SPECC1L: variants seen among roughly 807,000 people sequenced by gnomAD.
SPECC1L encodes sperm antigen with calponin homology and coiled-coil domains 1 like, also known as cytospin-A.
A neutral mutation model predicts 116.8 loss-of-function variants in SPECC1L; 40 were observed. The ratio of observed to expected loss-of-function variants is 0.34; its 90% CI spans 0.27 to 0.45. The LOEUF is 0.45. SPECC1L is among the 20% of genes least tolerant of loss of function. SPECC1L has a pLI of 1.00. For synonymous variants in SPECC1L, 504 were observed against 500.6 expected, an observed-to-expected ratio of 1.01 and a Z score of -0.09; for missense variants, 1,110 against 1,373.6, an observed-to-expected ratio of 0.81 and a Z score of 3.03.
intron 1 of SPECC1L, among the ~76,000 whole-genome samples, chr22:24,272,964 C>T (rs2048759416): frequency 6.6e-6 from 1 of 152,076 alleles, no homozygotes; most frequent in East Asian, 1.9e-4. Context: ...AATGTTGTGC[C>T]ATAGGAAAGC....
At chr22:24,406,919 G>A (rs2042603400) in intron 14 of SPECC1L, among the ~76,000 whole-genome samples, 1 of 152,236 alleles carries the variant, frequency 6.6e-6, no homozygotes, top group South Asian at 2.1e-4. Context: ...AACAGCCAGT[G>A]ACGTTGGGAG....
chr22:24,322,396 G>A lies in SPECC1L; in HGVS notation c.1416G>A (p.Glu472=), dbSNP rs774014798. The A allele has an allele frequency of 6.2e-7, 1 of 1,614,204 alleles. No individual in the cohort carries two copies. The highest frequency in any genetic ancestry group is 8.5e-7 in the Non-Finnish European group (1 of 1,180,048). The part of the protein sequence containing the change: ...QIEYFRSLLD[E]HHISYVIDED... ...AATACTTCCGCTCTCTTCTAGATGAGCATCACATTTCTTATGTCATAGATG... is the reference window on the plus strand; with the variant it reads ...AATACTTCCGCTCTCTTCTAGATGAACATCACATTTCTTATGTCATAGATG... The change falls in exon 5 of 17, where the codon GAG becomes GAA. Residue 472 remains glutamate (E), a synonymous_variant. Coordinates refer to ENST00000314328, the MANE Select transcript of SPECC1L (RefSeq NM_015330.6).
chr22:24,362,643 C>T (rs1319198458), intron 11 of SPECC1L, among the ~76,000 whole-genome samples: 2 of 152,120 alleles, frequency 1.3e-5, no homozygotes, highest in African/African-American at 4.8e-5. Flanking sequence ...CCATACTTAG[C>T]CTTTATTATT....
chr22:24,352,934 G>A (rs1407889359), intron 11 of SPECC1L, among the ~76,000 whole-genome samples: 4 of 152,174 alleles, frequency 2.6e-5, no homozygotes, highest in Admixed American at 2.6e-4. Flanking sequence ...CCTAGATTCT[G>A]TGGCATTCTT....
chr22:24,272,279 C>G (rs1440412546), intron 1 of SPECC1L, among the ~76,000 whole-genome samples: 1 of 152,006 alleles, frequency 6.6e-6, no homozygotes, highest in East Asian at 1.9e-4. Context: ...GCAGGAGAAT[C>G]GCTTGAACCC....
chr22:24,297,150 GT>G (rs2049282774), intron 2 of SPECC1L, among the ~76,000 whole-genome samples: 3 of 150,788 alleles, frequency 2.0e-5, no homozygotes, highest in African/African-American at 7.3e-5. Flanking sequence ...TGACCAGGCT[GT>G]TCTCGAACTC....
chr22:24,355,507 T>C (rs1023452016), intron 11 of SPECC1L, among the ~76,000 whole-genome samples: 1 of 152,074 alleles, frequency 6.6e-6, no homozygotes, highest in East Asian at 1.9e-4. Context: ...TATTTGTCTG[T>C]CTGTCTGCCT....
chr22:24,343,095 GA>G (rs1400338086), intron 10 of SPECC1L, among the ~76,000 whole-genome samples: 1 of 152,116 alleles, frequency 6.6e-6, no homozygotes, highest in Non-Finnish European at 1.5e-5. Flanking sequence ...TTGGGAGGCT[GA>G]GGCAGGAGAA....
intron 3 of SPECC1L, among the ~76,000 whole-genome samples, chr22:24,306,248 CT>C (rs2049494767): frequency 6.6e-6 from 1 of 151,798 alleles, no homozygotes. Flanking sequence ...TTTAGACCCT[CT>C]TCTATGAAGT....
chr22:24,390,872 CTTTTTTTT>C (rs1016008966), intron 14 of SPECC1L, among the ~76,000 whole-genome samples: 3 of 57,114 alleles, frequency 5.3e-5, no homozygotes, highest in African/African-American at 1.5e-4. Context: ...TTTTTCTTTT[CTTTTTTTT>C]TTTTTTTTTT....
intron 1 of SPECC1L, among the ~76,000 whole-genome samples, chr22:24,274,596 AAG>A (rs2048794749): frequency 6.6e-6 from 1 of 152,212 alleles, no homozygotes; most frequent in African/African-American, 2.4e-5. Context: ...TAAATAAGAG[AAG>A]AGAGTGAATA....
At chr22:24,362,085 T>G (rs1238213155) in intron 11 of SPECC1L, among the ~76,000 whole-genome samples, 2 of 152,214 alleles carry the variant, frequency 1.3e-5, no homozygotes, top group Non-Finnish European at 2.9e-5. Context: ...GGTGTTTTTC[T>G]TAGCCCAGTC....
chr22:24,338,526 G>C, intron 10 of SPECC1L, 49 bp downstream of exon 10: 1 of 1,541,504 alleles, frequency 6.5e-7, no homozygotes, highest in Non-Finnish European at 9.0e-7. Flanking sequence ...GAATCTGAAA[G>C]TTGAGGCCTT....
chr22:24,325,573 TTATTTATAA>T (rs962561376), intron 6 of SPECC1L, among the ~76,000 whole-genome samples: 1 of 138,642 alleles, frequency 7.2e-6, no homozygotes, highest in Non-Finnish European at 1.6e-5. Context: ...ATTTATTTAT[TTATTTATAA>T]GAGGTGACAG....
chr22:24,352,712 A>G (rs999316071), intron 11 of SPECC1L, among the ~76,000 whole-genome samples: 6 of 152,172 alleles, frequency 3.9e-5, no homozygotes, highest in Admixed American at 1.3e-4. Flanking sequence ...ATAAAATGAG[A>G]TAGAAATCCT....
At chr22:24,283,646 G>C (rs1945356897) in intron 2 of SPECC1L, among the ~76,000 whole-genome samples, 1 of 152,176 alleles carries the variant, frequency 6.6e-6, no homozygotes, top group Admixed American at 6.5e-5. Flanking sequence ...AGTTTGTAAA[G>C]AATTTGTTTT....
At chr22:24,413,870 G>T (rs955099641) in intron 16 of SPECC1L, among the ~76,000 whole-genome samples, 9 of 152,092 alleles carry the variant, frequency 5.9e-5, no homozygotes, top group Admixed American at 3.9e-4. Context: ...GGAAGGGAAG[G>T]ATCTCTCAGG....
intron 6 of SPECC1L, among the ~76,000 whole-genome samples, chr22:24,327,917 T>A (rs147967992): frequency 1.3e-5 from 2 of 152,356 alleles, no homozygotes; most frequent in Non-Finnish European, 2.9e-5. Context: ...GCCAGGGATC[T>A]ACTGGGGTGG....
intron 2 of SPECC1L, among the ~76,000 whole-genome samples, chr22:24,286,837 G>T (rs1240667247): frequency 6.6e-6 from 1 of 152,192 alleles, no homozygotes; most frequent in Admixed American, 6.5e-5. Context: ...GAACCCTGCA[G>T]GCAGAGGTTA....
Sources: gnomAD v4.1 joint callset for allele counts (sites outside exome capture counted in the v4.1 genomes callset) on GRCh38, gnomAD v4.1.1 for gene constraint, MANE v1.5 for transcripts, NCBI Gene and HGNC (gene_info 2026-07-23, HGNC 2026-07-21) for gene names.